The following JAZF1 variants were observed in gnomAD, a reference collection of about 807,000 sequenced individuals.
JAZF1 encodes the protein juxtaposed with another zinc finger protein 1.
In JAZF1, 8 loss-of-function variants were observed where a neutral mutation model predicts 26.4. The ratio of observed to expected loss-of-function variants is 0.30; its 90% confidence interval spans 0.18 to 0.55. The LOEUF is 0.55. JAZF1 is among the 20% of genes least tolerant of loss of function. JAZF1 has a pLI of 0.94. For synonymous variants in JAZF1, 126 were observed against 122.3 expected (o/e 1.03, Z -0.20); for missense variants, 199 against 322.0 (o/e 0.62, Z 2.92).
rs945018706 is a variant in JAZF1 at position 27,831,093 on chromosome 7, T to A, written c.*1707A>T. On this transcript the variant is annotated 3_prime_UTR_variant, in exon 5 of 5. Coordinates refer to ENST00000283928, the MANE Select transcript of JAZF1 (RefSeq NM_175061.4). ...GCGTCTCATGTCTGGATCACCCTTT[T>A]AAACATAGGATAACACTGTATATTC... is the stretch of plus-strand genomic sequence containing the variant. The A allele has an allele frequency of 5.4e-5, 12 of 223,224 alleles. No individual in the cohort carries two copies. The highest frequency in any genetic ancestry group is 8.1e-5 in the Non-Finnish European group (9 of 111,604). 13.8% of individuals were successfully genotyped at this position (223,224 alleles called of 1,614,324 possible). A position where few individuals can be genotyped will look rare whatever the true frequency, so the allele number is the denominator to read the frequency against.
intron 1 of JAZF1, among the ~76,000 whole-genome samples, chr7:28,043,357 G>C (rs1367331161): frequency 6.6e-6 from 1 of 152,114 alleles, no homozygotes; most frequent in Non-Finnish European, 1.5e-5. Context: ...TTCGGCTCAA[G>C]TGTTGCCTCT....
chr7:28,176,920 A>T (rs1347480357), intron 1 of JAZF1, among the ~76,000 whole-genome samples: 1 of 151,880 alleles, frequency 6.6e-6, no homozygotes, highest in Non-Finnish European at 1.5e-5. Context: ...CCCAGTTACC[A>T]GTTTAACTTC....
At chr7:28,029,288 GA>G (rs1783146155) in intron 1 of JAZF1, among the ~76,000 whole-genome samples, 1 of 152,162 alleles carries the variant, frequency 6.6e-6, no homozygotes, top group Non-Finnish European at 1.5e-5. Flanking sequence ...ATTTTAGTCA[GA>G]AAACTTAGGC....
intron 2 of JAZF1, among the ~76,000 whole-genome samples, chr7:27,963,565 C>CA (rs1251721275): frequency 1.9e-5 from 2 of 106,686 alleles, no homozygotes; most frequent in Non-Finnish European, 3.6e-5. Context: ...AATTCCCCCC[C>CA]CCCCTTTTTT....
intron 1 of JAZF1, among the ~76,000 whole-genome samples, chr7:28,034,415 T>C (rs1008518104): frequency 5.3e-5 from 8 of 149,990 alleles, no homozygotes; most frequent in African/African-American, 1.5e-4. Context: ...TTTTGTTATT[T>C]TGAGGCAGTC....
intron 1 of JAZF1, among the ~76,000 whole-genome samples, chr7:28,079,624 C>A (rs1042640740): frequency 3.9e-5 from 6 of 152,194 alleles, no homozygotes; most frequent in Non-Finnish European, 5.9e-5. Flanking sequence ...ATGACAACCA[C>A]AAGCAAATCA....
chr7:27,913,404 T>C (rs180675153), intron 2 of JAZF1: 130 of 460,726 alleles, frequency 2.8e-4, no homozygotes, highest in African/African-American at 2.4e-3. Flanking sequence ...TTTGGACAAG[T>C]AGGACAGCGA....
chr7:27,946,732 T>C (rs1784929667), intron 2 of JAZF1, among the ~76,000 whole-genome samples: 1 of 152,190 alleles, frequency 6.6e-6, no homozygotes, highest in African/African-American at 2.4e-5. Flanking sequence ...GTGGCTTCTG[T>C]CTTATGTTGT....
At chr7:27,899,005 T>C (rs1005283925) in intron 2 of JAZF1, among the ~76,000 whole-genome samples, 1 of 152,062 alleles carries the variant, frequency 6.6e-6, no homozygotes, top group Admixed American at 6.5e-5. Flanking sequence ...ACACAAACGC[T>C]GTGGGAACCC....
At chr7:28,064,828 T>C (rs1306009077) in intron 1 of JAZF1, among the ~76,000 whole-genome samples, 1 of 152,192 alleles carries the variant, frequency 6.6e-6, no homozygotes, top group Non-Finnish European at 1.5e-5. Flanking sequence ...ACTAGATCAC[T>C]TAGCCTTTAA....
intron 1 of JAZF1, among the ~76,000 whole-genome samples, chr7:28,110,116 C>T (rs1784617963): frequency 6.6e-6 from 1 of 152,050 alleles, no homozygotes; most frequent in Admixed American, 6.6e-5. Context: ...AAAGAATCAA[C>T]TGAAAAGAAT....
intron 1 of JAZF1, among the ~76,000 whole-genome samples, chr7:28,094,412 C>T (rs778733024): frequency 6.6e-6 from 1 of 152,192 alleles, no homozygotes; most frequent in African/African-American, 2.4e-5. Context: ...TCCTTTCCAG[C>T]CCCGGCACCG....
At chr7:28,131,328 C>A (rs750748436) in intron 1 of JAZF1, among the ~76,000 whole-genome samples, 3 of 151,518 alleles carry the variant, frequency 2.0e-5, no homozygotes, top group Non-Finnish European at 4.4e-5. Context: ...AAAAAAAAAT[C>A]TAAATGAGTA....
intron 1 of JAZF1, among the ~76,000 whole-genome samples, chr7:28,147,787 G>T (rs549419429): frequency 6.6e-6 from 1 of 151,898 alleles, no homozygotes; most frequent in Non-Finnish European, 1.5e-5. Flanking sequence ...GAGTGGGCTG[G>T]GGGGAGGGGG....
intron 2 of JAZF1, chr7:27,913,279 T>TTATA (rs569071390): frequency 9.7e-6 from 2 of 205,434 alleles, no homozygotes; most frequent in Non-Finnish European, 2.0e-5. Flanking sequence ...TTTATATATA[T>TTATA]TATATATATA....
intron 1 of JAZF1, among the ~76,000 whole-genome samples, chr7:28,000,328 T>C (rs1786118611): frequency 6.6e-6 from 1 of 152,112 alleles, no homozygotes; most frequent in Non-Finnish European, 1.5e-5. Context: ...AGGGCAGGGA[T>C]GCTGCTGAAC....
intron 3 of JAZF1, among the ~76,000 whole-genome samples, chr7:27,849,941 C>T (rs894745425): frequency 6.6e-6 from 1 of 152,166 alleles, no homozygotes; most frequent in African/African-American, 2.4e-5. Flanking sequence ...TGACCCCTTA[C>T]CCGTGGAGAT....
In JAZF1 at chr7:27,867,511, G is replaced by A. The variant is rs190265873; in HGVS notation, c.386-26644C>T. Among the ~76,000 whole-genome samples the A allele has an allele frequency of 5.3e-5, 8 of 152,314 alleles. No individual in the cohort carries two copies. In the East Asian group the frequency reaches 1.2e-3, roughly 22 times the overall value. On this transcript the variant is annotated intron_variant, in intron 3 of 4. Transcript: ENST00000283928. ...TGAGAGTACTTCTGATTTTTAAGAA[G>A]GCTATTTGGCTTCCTAACAGGGCAG...
chr7:27,969,610 G>C (rs1785339548), intron 2 of JAZF1, among the ~76,000 whole-genome samples: 1 of 152,160 alleles, frequency 6.6e-6, no homozygotes, highest in Non-Finnish European at 1.5e-5. Context: ...CACCTGCTTA[G>C]GGTGGAGTGA....
Sources: gnomAD v4.1 joint callset for allele counts (sites outside exome capture counted in the v4.1 genomes callset) on GRCh38, gnomAD v4.1.1 for gene constraint, MANE v1.5 for transcripts, NCBI Gene and HGNC (gene_info 2026-07-23, HGNC 2026-07-21) for gene names.